Variants in BBS4 observed in about 807,000 individuals in gnomAD.
BBS4 encodes BBSome complex member BBS4.
In BBS4, 58 loss-of-function variants were observed where a neutral mutation model predicts 71.4. The ratio of observed to expected loss-of-function variants is 0.81; its 90% CI spans 0.66 to 1.01. The LOEUF is 1.01. Among genes scored for constraint, BBS4 ranks in the 50% least tolerant of loss-of-function variants. The probability of loss-of-function intolerance (pLI) is 0.00; values close to 1 mark genes in which losing one functional copy is unlikely to be tolerated. For missense variants in BBS4, 660 were observed against 607.9 expected, an observed-to-expected ratio of 1.09 and a Z score of -0.90; for synonymous variants, 228 against 216.8, an observed-to-expected ratio of 1.05 and a Z score of -0.46.
chr15:72,723,203 G>A (rs571630762), intron 7 of BBS4, among the ~76,000 whole-genome samples: 1 of 152,270 alleles, frequency 6.6e-6, no homozygotes, highest in South Asian at 2.1e-4. Context: ...GACCATGTGA[G>A]CTATCTCCAT....
Position 72,686,247 on chromosome 15 carries a change from C to G in BBS4, c.20C>G (p.Ala7Gly). The G allele has an allele frequency of 1.9e-6, 3 of 1,565,074 alleles. No individual in the cohort carries two copies. Among genetic ancestry groups the G allele is most frequent in the Non-Finnish European group, 2.6e-6 (3 of 1,155,660 alleles). ...GCTAAAATGGCTGAGGAGAGAGTCG[C>G]GACGGTGAGCGCCGAGATTCTCTTT... Reference protein sequence around the residue: MAEERVATRTQFPVSTE... With the variant: MAEERVGTRTQFPVSTE... The change falls in exon 1 of 16, where the codon GCG becomes GGG. Residue 7 changes from alanine to glycine, a missense_variant. Coordinates refer to ENST00000268057, the MANE Select transcript of BBS4 (RefSeq NM_033028.5).
chr15:72,730,917 G>A (rs1457955467), intron 10 of BBS4, among the ~76,000 whole-genome samples: 2 of 152,108 alleles, frequency 1.3e-5, no homozygotes, highest in African/African-American at 2.4e-5. Context: ...TGTATTTCAG[G>A]TATCTAGAAC....
chr15:72,722,177 G>C (rs987743313), intron 6 of BBS4, among the ~76,000 whole-genome samples: 3 of 152,222 alleles, frequency 2.0e-5, no homozygotes, highest in African/African-American at 7.2e-5. Context: ...GCAGGGAATG[G>C]ATTTGGCCCA....
intron 3 of BBS4, among the ~76,000 whole-genome samples, chr15:72,710,961 T>G (rs2065359161): frequency 6.6e-6 from 1 of 150,774 alleles, no homozygotes; most frequent in Non-Finnish European, 1.5e-5. Flanking sequence ...CAGCTAATTT[T>G]TTTTTTTTTT....
At chr15:72,687,123 A>AATTTTTTTTT (rs1491389178) in intron 1 of BBS4, among the ~76,000 whole-genome samples, 1 of 11,982 alleles carries the variant, frequency 8.3e-5, no homozygotes, top group Non-Finnish European at 2.7e-4. Context: ...GAAGACAGAA[A>AATTTTTTTTT]CTTTTTTTTT....
intron 8 of BBS4, among the ~76,000 whole-genome samples, chr15:72,725,712 C>T (rs1265573459): frequency 3.0e-5 from 4 of 133,186 alleles, no homozygotes; most frequent in Admixed American, 7.3e-5. Context: ...TCCCTTTCCC[C>T]GTTTTCCCTT....
At chr15:72,703,639 C>G (rs900048773) in intron 2 of BBS4, among the ~76,000 whole-genome samples, 1 of 152,054 alleles carries the variant, frequency 6.6e-6, no homozygotes, top group Non-Finnish European at 1.5e-5. Context: ...TTGCCCTAGG[C>G]CCCATAGAAG....
chr15:72,700,288 T>C (rs542546846), intron 2 of BBS4, among the ~76,000 whole-genome samples: 27 of 152,348 alleles, frequency 1.8e-4, no homozygotes, highest in Non-Finnish European at 3.2e-4. Flanking sequence ...GTGCAAGTTT[T>C]CACTTGAATA....
intron 1 of BBS4, 55 bp downstream of exon 1, chr15:72,686,306 G>T: frequency 6.4e-7 from 1 of 1,551,344 alleles, no homozygotes; most frequent in South Asian, 1.2e-5. Context: ...CAAGCTGGCG[G>T]GTGGCTTTTG....
chr15:72,686,862 TTTGTTTA>T (rs2064855253), intron 1 of BBS4: 5 of 319,134 alleles, frequency 1.6e-5, no homozygotes, highest in Non-Finnish European at 3.1e-5. Context: ...AGTGTGAAGC[TTTGTTTA>T]CCTTGCTTTA....
rs2065886610 is a variant in BBS4 at position 72,734,681 on chromosome 15, G to A, written c.1037-432G>A. ...GTCAAGGAAATACTGATTTTAAAAA[G>A]TGGGGGGAGTGTTTTACTGCTAAAT... On this transcript the variant is annotated intron_variant, in intron 12 of 15. Transcript: ENST00000268057. Among the ~76,000 whole-genome samples the A allele has an allele frequency of 2.6e-5, 4 of 152,120 alleles. No individual in the cohort carries two copies. The South Asian group carries it at 8.3e-4, about 32-fold the overall frequency.
chr15:72,689,746 A>G (rs2064948069), intron 1 of BBS4, among the ~76,000 whole-genome samples: 1 of 151,782 alleles, frequency 6.6e-6, no homozygotes, highest in Admixed American at 6.6e-5. Context: ...ATGAGCAACT[A>G]ACTCTGGCTT....
At chr15:72,707,539 AAC>A (rs2151013515) in intron 2 of BBS4, among the ~76,000 whole-genome samples, 1 of 152,330 alleles carries the variant, frequency 6.6e-6, no homozygotes, top group African/African-American at 2.4e-5. Flanking sequence ...AAATAATATA[AAC>A]ACACATGTAC....
intron 1 of BBS4, among the ~76,000 whole-genome samples, chr15:72,690,602 G>A (rs762883878): frequency 3.2e-4 from 48 of 152,104 alleles, no homozygotes; most frequent in Non-Finnish European, 1.5e-5. Context: ...TATAATACAC[G>A]TACCATAAAA....
intron 5 of BBS4, 27 bp from the exon 6 acceptor site, chr15:72,716,751 T>A: frequency 6.5e-7 from 1 of 1,530,900 alleles, no homozygotes; most frequent in Non-Finnish European, 9.0e-7. Context: ...TTTGAGGTAA[T>A]AATTATGGAA....
At chr15:72,693,578 G>GACCCAC (rs2065024074) in intron 1 of BBS4, among the ~76,000 whole-genome samples, 1 of 151,926 alleles carries the variant, frequency 6.6e-6, no homozygotes, top group African/African-American at 2.4e-5. Context: ...CATGAGTGTG[G>GACCCAC]GTATGTTCTC....
At chr15:72,694,974 A>G (rs1212003726) in intron 1 of BBS4, among the ~76,000 whole-genome samples, 3 of 152,222 alleles carry the variant, frequency 2.0e-5, no homozygotes, top group Non-Finnish European at 4.4e-5. Context: ...TATGTGTTAT[A>G]CATTGTTAAT....
rs371314491 is a variant in BBS4 at position 72,737,089 on chromosome 15, G to T, written c.1450+126G>T. 46 of 1,218,596 alleles carry T rather than the reference G, an allele frequency of 3.8e-5. No homozygotes were observed. The African/African-American group carries it at 6.3e-4, about 17-fold the overall frequency. The allele number at this position is 1,218,596 out of a possible 1,614,324, so 75.5% of individuals were successfully genotyped here. Reference sequence around the variant, plus strand: ...TGTCCAACGTAGTATTGGCCACAAGGGGAGAAAAAAAACACAGGGTGGCTA... The same window carrying T: ...TGTCCAACGTAGTATTGGCCACAAGTGGAGAAAAAAAACACAGGGTGGCTA... On this transcript the variant is annotated intron_variant, in intron 15 of 15. Coordinates refer to ENST00000268057, the MANE Select transcript of BBS4 (RefSeq NM_033028.5).
intron 2 of BBS4, among the ~76,000 whole-genome samples, chr15:72,696,318 AT>A (rs1452910972): frequency 6.6e-6 from 1 of 152,134 alleles, no homozygotes; most frequent in Non-Finnish European, 1.5e-5. Flanking sequence ...TTATTTAGCT[AT>A]TTTAGTTTTG....
Sources: gnomAD v4.1 joint callset for allele counts (sites outside exome capture counted in the v4.1 genomes callset) on GRCh38, gnomAD v4.1.1 for gene constraint, MANE v1.5 for transcripts, NCBI Gene and HGNC (gene_info 2026-07-23, HGNC 2026-07-21) for gene names.